Variants in MYO18B observed in about 807,000 individuals in gnomAD.
MYO18B encodes unconventional myosin-XVIIIb.
In MYO18B, 204 loss-of-function variants were observed where a neutral mutation model predicts 273.0. The observed-to-expected ratio is 0.75, with a 90% CI of 0.67 to 0.84. The LOEUF (loss-of-function observed/expected upper bound fraction) is 0.84, where lower values mean the gene tolerates loss of function less well. Ranked by LOEUF, MYO18B falls within the 40% of genes least tolerant of loss-of-function variation. The pLI is 0.00. For synonymous variants in MYO18B, 1,330 were observed against 1,305.7 expected (o/e 1.02, Z -0.40); for missense variants, 3,212 against 3,287.6 (o/e 0.98, Z 0.56).
At chr22:25,790,766 A>G (rs953386010) in intron 11 of MYO18B, among the ~76,000 whole-genome samples, 1 of 152,136 alleles carries the variant, frequency 6.6e-6, no homozygotes, top group African/African-American at 2.4e-5. Context: ...TCATTTCACT[A>G]GGTCTTTGGG....
At position 25,871,763 on chromosome 22, in the gene MYO18B, C is replaced by G. The variant is rs1026818640; in HGVS notation, c.3952-2523C>G. Among the ~76,000 whole-genome samples, 3 of 151,852 alleles carry G rather than the reference C, an allele frequency of 2.0e-5. No individual in the cohort carries two copies. In the East Asian group the frequency reaches 5.8e-4, roughly 29 times the overall value. Reference sequence around the variant, plus strand: ...TTCCACGTGCAGTCGGCCTTCTGGTCGGCAATATGCTCTTAAAAGGCAAAA... The same window carrying G: ...TTCCACGTGCAGTCGGCCTTCTGGTGGGCAATATGCTCTTAAAAGGCAAAA... On this transcript the variant is annotated intron_variant, in intron 22 of 43. Transcript: ENST00000335473.
At chr22:25,835,867 T>TCAGACTG (rs1419223234) in intron 17 of MYO18B, among the ~76,000 whole-genome samples, 3 of 152,248 alleles carry the variant, frequency 2.0e-5, no homozygotes, top group Admixed American at 1.3e-4. Context: ...GCTTCTGGGC[T>TCAGACTG]CAGACTGCAG....
Position 25,777,664 on chromosome 22 carries a change from C to T in MYO18B, c.1951C>T (p.Arg651Trp), listed in dbSNP as rs375068756. ...QRAYWALLNQ[R>W]RDQSIVALGW... Reference sequence around the variant, plus strand: ...GGCATACTGGGCGCTGCTGAACCAGCGGAGAGACCAGAGCATTGTGGCCCT... The same window carrying T: ...GGCATACTGGGCGCTGCTGAACCAGTGGAGAGACCAGAGCATTGTGGCCCT... Residue 651 changes from arginine to tryptophan, a missense_variant, in exon 8 of 44, where the codon CGG (arginine) becomes TGG (tryptophan). Transcript: ENST00000335473. The T allele has an allele frequency of 9.9e-6, 16 of 1,612,796 alleles. No individual in the cohort carries two copies. The highest frequency in any genetic ancestry group is 5.5e-5 in the South Asian group (5 of 90,880).
Position 25,892,526 on chromosome 22 carries a change from G to A in MYO18B, c.4543+1114G>A, listed in dbSNP as rs768361906. Reference sequence around the variant, plus strand: ...CTCTTACTCTCCCCAGCCTAATGGAGTTGGGTGAGAAGGATATCCAGTGGG... The same window carrying A: ...CTCTTACTCTCCCCAGCCTAATGGAATTGGGTGAGAAGGATATCCAGTGGG... On this transcript the variant is annotated intron_variant, in intron 27 of 43. Transcript: ENST00000335473. The A allele has an allele frequency of 6.6e-5, 10 of 152,230 alleles. No homozygotes were observed. In the East Asian group the frequency reaches 1.7e-3, roughly 26 times the overall value. 9.4% of individuals were successfully genotyped at this position (152,230 alleles called of 1,614,324 possible). A position where few individuals can be genotyped will look rare whatever the true frequency, so the allele number is the denominator to read the frequency against.
At chr22:25,910,825 A>G (rs1162276586) in intron 32 of MYO18B, 121 bp from the exon 33 acceptor site, 10 of 737,598 alleles carry the variant, frequency 1.4e-5, no homozygotes, top group Admixed American at 4.4e-5. Flanking sequence ...TCACTAGGGC[A>G]GCCTCATGGA....
chr22:25,992,338 G>T (rs12166988), intron 39 of MYO18B, 25 bp from the exon 40 acceptor site: 1 of 1,611,876 alleles, frequency 6.2e-7, no homozygotes, highest in South Asian at 1.1e-5. Context: ...CAAGGCCAAC[G>T]TGTGTTTGCA....
At chr22:25,967,155 G>A (rs960212169) in intron 39 of MYO18B, among the ~76,000 whole-genome samples, 6 of 152,136 alleles carry the variant, frequency 3.9e-5, no homozygotes, top group African/African-American at 1.2e-4. Flanking sequence ...TTGAACTTTC[G>A]TCACTTCAGA....
chr22:26,021,703 C>T (rs1181259599), intron 42 of MYO18B, among the ~76,000 whole-genome samples: 1 of 152,232 alleles, frequency 6.6e-6, no homozygotes, highest in Admixed American at 6.5e-5. Context: ...CCCCAGGTCA[C>T]ATGGCTAGTG....
intron 22 of MYO18B, among the ~76,000 whole-genome samples, chr22:25,872,221 G>A (rs1193954479): frequency 2.0e-5 from 3 of 152,112 alleles, no homozygotes; most frequent in African/African-American, 4.8e-5. Flanking sequence ...CAGGATGGTC[G>A]GAGATGAGTG....
At chr22:25,984,803 G>GAAAA (rs59242717) in intron 39 of MYO18B, among the ~76,000 whole-genome samples, 1 of 143,698 alleles carries the variant, frequency 7.0e-6, no homozygotes. Flanking sequence ...CCATCTCTAA[G>GAAAA]AAAAAAAAAA....
At chr22:25,799,160 T>TGTGTGTGTGC (rs908649603) in intron 12 of MYO18B, among the ~76,000 whole-genome samples, 12 of 151,512 alleles carry the variant, frequency 7.9e-5, no homozygotes, top group Admixed American at 6.6e-4. Context: ...TGTGTGTGTG[T>TGTGTGTGTGC]GCTTGGATAG....
At chr22:25,962,357 T>C (rs1000879988) in intron 39 of MYO18B, among the ~76,000 whole-genome samples, 1 of 152,216 alleles carries the variant, frequency 6.6e-6, no homozygotes, top group Non-Finnish European at 1.5e-5. Flanking sequence ...GAGAAGACTT[T>C]ACTTGACTCG....
In MYO18B at chr22:25,902,683, C is replaced by T. The variant is rs1280651202; in HGVS notation, c.4894C>T (p.Gln1632Ter). ...FEKGLREKVT[Q>*]ENTSVRWELG... Reference sequence around the variant, plus strand: ...GAAGGGTCTCCGTGAGAAAGTGACCCAGGAGAACACCAGTGTCCGGTGGGA... The same window carrying T: ...GAAGGGTCTCCGTGAGAAAGTGACCTAGGAGAACACCAGTGTCCGGTGGGA... The change falls in exon 30 of 44, where the codon CAG becomes TAG. Residue 1632 changes from glutamine (Q) to a stop codon, truncating the protein, a stop_gained. Coordinates refer to ENST00000335473, the MANE Select transcript of MYO18B (RefSeq NM_032608.7). LOFTEE classifies it high-confidence loss of function. The T allele has an allele frequency of 1.9e-6, 3 of 1,596,886 alleles. No homozygotes were observed. Among genetic ancestry groups the T allele is most frequent in the Non-Finnish European group, 2.6e-6 (3 of 1,171,384 alleles).
At chr22:25,875,753 A>G (rs2091173898) in intron 23 of MYO18B, among the ~76,000 whole-genome samples, 1 of 152,164 alleles carries the variant, frequency 6.6e-6, no homozygotes, top group Non-Finnish European at 1.5e-5. Flanking sequence ...TGTGAAAATG[A>G]TCTCCCTTCA....
chr22:25,796,341 T>C (rs1338269187), intron 11 of MYO18B, among the ~76,000 whole-genome samples: 1 of 152,160 alleles, frequency 6.6e-6, no homozygotes, highest in Admixed American at 6.5e-5. Flanking sequence ...TCCCAGCACT[T>C]TCAGAGGCCA....
intron 12 of MYO18B, among the ~76,000 whole-genome samples, chr22:25,814,456 A>G (rs972056938): frequency 6.6e-6 from 1 of 151,476 alleles, no homozygotes; most frequent in East Asian, 1.9e-4. Flanking sequence ...GGTAGCTTGG[A>G]TCCAGACACT....
At chr22:25,761,595 T>C (rs749311672) in intron 2 of MYO18B, among the ~76,000 whole-genome samples, 16 of 152,144 alleles carry the variant, frequency 1.1e-4, no homozygotes, top group Non-Finnish European at 2.4e-4. Context: ...TCCCCAGATA[T>C]TCCTTTCTCC....
intron 27 of MYO18B, among the ~76,000 whole-genome samples, chr22:25,893,974 A>T (rs1038895503): frequency 6.6e-6 from 1 of 152,008 alleles, no homozygotes; most frequent in African/African-American, 2.4e-5. Context: ...TATCCAACCA[A>T]CTATTTATCC....
chr22:25,988,157 T>C (rs562821691), intron 39 of MYO18B, among the ~76,000 whole-genome samples: 2 of 151,940 alleles, frequency 1.3e-5, no homozygotes, highest in South Asian at 4.2e-4. Flanking sequence ...CTTCTGCTTG[T>C]GCATCCCTTC....
Sources: allele counts gnomAD v4.1 joint callset (sites outside exome capture counted in the v4.1 genomes callset), GRCh38; gene constraint gnomAD v4.1.1; transcripts MANE v1.5; gene names NCBI Gene and HGNC (gene_info 2026-07-23, HGNC 2026-07-21).